DAB1: variants seen among roughly 807,000 people sequenced by gnomAD.
The protein encoded by DAB1 is disabled homolog 1.
In DAB1, 15 loss-of-function variants were observed where a neutral mutation model predicts 64.6. The ratio of observed to expected loss-of-function variants is 0.23; its 90% CI spans 0.16 to 0.36. The LOEUF (loss-of-function observed/expected upper bound fraction) is 0.36, where lower values mean the gene tolerates loss of function less well. DAB1 is among the 10% of genes least tolerant of loss of function. The probability of loss-of-function intolerance (pLI) is 1.00; values close to 1 mark genes in which losing one functional copy is unlikely to be tolerated. For missense variants in DAB1, 596 were observed against 706.7 expected (o/e 0.84, Z 1.78); for synonymous variants, 235 against 251.9 (o/e 0.93, Z 0.64).
chr1:57,459,491 T>C (rs1478035156), intron 7 of DAB1, among the ~76,000 whole-genome samples: 2 of 152,218 alleles, frequency 1.3e-5, no homozygotes, highest in Admixed American at 6.5e-5. Context: ...AGCATTTTTA[T>C]GGCTTTTGGT....
At chr1:58,535,306 T>TA (rs1646498684) in intron 1 of DAB1, among the ~76,000 whole-genome samples, 1 of 152,082 alleles carries the variant, frequency 6.6e-6, no homozygotes, top group Non-Finnish European at 1.5e-5. Context: ...TTTTTTCACT[T>TA]AAGAATCAAC....
chr1:58,041,406 G>C (rs756177115), intron 5 of DAB1, among the ~76,000 whole-genome samples: 1 of 152,130 alleles, frequency 6.6e-6, no homozygotes, highest in Non-Finnish European at 1.5e-5. Context: ...ATGATTGTGG[G>C]CTGTCTCATA....
In DAB1 at chr1:57,982,398, T is replaced by C. The variant is rs12032436; in HGVS notation, n.388-98236A>G. 9.1e-3 allele frequency among the ~76,000 whole-genome samples: 1,391 copies of C among 152,342 alleles called. 42 individuals are homozygous for C. The highest frequency in any genetic ancestry group is 0.082 in the East Asian group (423 of 5,184). On this transcript the variant is annotated intron_variant and non_coding_transcript_variant, in intron 5 of 20. Coordinates refer to the DAB1 transcript ENST00000485760. ...GACATTAATAGTATAATAGGACTAG[T>C]GGACGTAGCCCAGGTGGCTTTAGAA... is the stretch of plus-strand genomic sequence containing the variant.
intron 1 of DAB1, among the ~76,000 whole-genome samples, chr1:58,529,061 G>T (rs1646394039): frequency 6.6e-6 from 1 of 152,078 alleles, no homozygotes; most frequent in Non-Finnish European, 1.5e-5. Flanking sequence ...TTTCCTGGCG[G>T]GTCAGTGACA....
chr1:57,959,698 G>T (rs1308879544), intron 5 of DAB1, among the ~76,000 whole-genome samples: 1 of 152,156 alleles, frequency 6.6e-6, no homozygotes, highest in Non-Finnish European at 1.5e-5. Flanking sequence ...ATGAGAAGCT[G>T]TCCAAAGGAA....
At chr1:58,121,996 A>C (rs1652767369) in intron 5 of DAB1, among the ~76,000 whole-genome samples, 1 of 152,160 alleles carries the variant, frequency 6.6e-6, no homozygotes, top group African/African-American at 2.4e-5. Flanking sequence ...AAGGTTGAGA[A>C]GTTCCTCTCT....
chr1:58,448,614 A>G (rs1371852095), intron 3 of DAB1, among the ~76,000 whole-genome samples: 2 of 152,184 alleles, frequency 1.3e-5, no homozygotes, highest in African/African-American at 4.8e-5. Flanking sequence ...CAATTATAGG[A>G]GGAAACAAAA....
Position 58,464,840 on chromosome 1 carries a change from A to G in DAB1, n.257+41220T>C, listed in dbSNP as rs540071562. Among the ~76,000 whole-genome samples, 75 of 152,302 alleles carry G rather than the reference A, an allele frequency of 4.9e-4. 1 individual carries two copies. Among genetic ancestry groups the G allele is most frequent in the Admixed American group, 3.2e-3 (49 of 15,306 alleles). ...AGAGGATGCGACCATTCTAAACTCC[A>G]TATCAGGCAGCCCTTGCCCTCACAC... On this transcript the variant is annotated intron_variant and non_coding_transcript_variant, in intron 3 of 20. Transcript: ENST00000485760.
intron 6 of DAB1, among the ~76,000 whole-genome samples, chr1:57,729,205 A>G (rs2101770766): frequency 6.6e-6 from 1 of 152,344 alleles, no homozygotes; most frequent in South Asian, 2.1e-4. Flanking sequence ...GGTGTGGGGC[A>G]ACGGTTCCTG....
intron 1 of DAB1, among the ~76,000 whole-genome samples, chr1:57,305,449 T>C (rs1385963284): frequency 1.3e-5 from 2 of 151,846 alleles, no homozygotes; most frequent in Non-Finnish European, 2.9e-5. Flanking sequence ...GGCCCACACA[T>C]GAAAGAGGGA....
At chr1:58,158,453 T>C (rs1391084676) in intron 4 of DAB1, among the ~76,000 whole-genome samples, 1 of 152,116 alleles carries the variant, frequency 6.6e-6, no homozygotes, top group Non-Finnish European at 1.5e-5. Flanking sequence ...AAGCTAAAAC[T>C]CTCGGTCCAC....
At chr1:58,150,063 T>C (rs144786779) in intron 5 of DAB1, among the ~76,000 whole-genome samples, 4 of 152,224 alleles carry the variant, frequency 2.6e-5, no homozygotes, top group Non-Finnish European at 4.4e-5. Context: ...CCAAGTGTTT[T>C]AAATGTATCA....
chr1:58,221,357 G>T (rs1274973427), intron 4 of DAB1, among the ~76,000 whole-genome samples: 1 of 152,170 alleles, frequency 6.6e-6, no homozygotes, highest in Non-Finnish European at 1.5e-5. Context: ...GATTCAAAGA[G>T]CTGTATTGAA....
At chr1:57,949,291 C>T (rs997958648) in intron 5 of DAB1, among the ~76,000 whole-genome samples, 1 of 152,108 alleles carries the variant, frequency 6.6e-6, no homozygotes, top group Admixed American at 6.5e-5. Context: ...AGGGTTTGTG[C>T]TCCTATAAGA....
chr1:58,123,411 A>G (rs1652866054), intron 5 of DAB1, among the ~76,000 whole-genome samples: 1 of 152,300 alleles, frequency 6.6e-6, no homozygotes, highest in Admixed American at 6.5e-5. Flanking sequence ...ATGATAAACT[A>G]TATAGCAGGA....
At chr1:58,246,599 G>T (rs1660544349) in intron 4 of DAB1, among the ~76,000 whole-genome samples, 1 of 152,230 alleles carries the variant, frequency 6.6e-6, no homozygotes, top group African/African-American at 2.4e-5. Context: ...GAGTGTGTGT[G>T]AGGCTGCATA....
At chr1:57,415,756 T>G (rs1396555343) in intron 1 of DAB1, among the ~76,000 whole-genome samples, 1 of 152,084 alleles carries the variant, frequency 6.6e-6, no homozygotes, top group Non-Finnish European at 1.5e-5. Context: ...GGCCTGCAAT[T>G]CAAGACAAGC....
intron 7 of DAB1, among the ~76,000 whole-genome samples, chr1:57,452,512 G>A (rs906095122): frequency 1.3e-5 from 2 of 151,992 alleles, no homozygotes; most frequent in Non-Finnish European, 2.9e-5. Flanking sequence ...CACCCAGTTG[G>A]GAAATGAAAA....
chr1:57,228,932 T>C (rs888632724), intron 2 of DAB1, among the ~76,000 whole-genome samples: 13 of 152,200 alleles, frequency 8.5e-5, no homozygotes, highest in African/African-American at 3.1e-4. Context: ...ACTACTTATA[T>C]CAGCATGAAT....
Sources: gnomAD v4.1 joint callset for allele counts (sites outside exome capture counted in the v4.1 genomes callset) on GRCh38, gnomAD v4.1.1 for gene constraint, MANE v1.5 for transcripts, NCBI Gene and HGNC (gene_info 2026-07-23, HGNC 2026-07-21) for gene names.